GPRC5A: variants seen among roughly 807,000 people sequenced by gnomAD.
GPRC5A encodes the protein retinoic acid-induced protein 3.
GPRC5A carries 19 observed loss-of-function variants against 22.5 expected under a neutral mutation model. The observed-to-expected ratio is 0.85, with a 90% confidence interval of 0.59 to 1.24. The LOEUF (loss-of-function observed/expected upper bound fraction) is 1.24. Ranked by LOEUF, GPRC5A falls within the 50% of genes most tolerant of loss-of-function variation. GPRC5A has a pLI of 0.00. For missense variants in GPRC5A, 471 were observed against 451.1 expected, an observed-to-expected ratio of 1.04 and a Z score of -0.40; for synonymous variants, 192 against 184.5, an observed-to-expected ratio of 1.04 and a Z score of -0.33.
intron 1 of GPRC5A, among the ~76,000 whole-genome samples, chr12:12,899,412 G>A (rs1456671374): frequency 2.0e-5 from 3 of 152,100 alleles, no homozygotes; most frequent in East Asian, 3.8e-4. Context: ...AGAGAGGTTG[G>A]GGTCAGGGAG....
At chr12:12,902,699 A>T (rs1044492213) in intron 1 of GPRC5A, among the ~76,000 whole-genome samples, 3 of 152,084 alleles carry the variant, frequency 2.0e-5, no homozygotes. Flanking sequence ...TGAGCCCAGG[A>T]AGTCAAGGCT....
At chr12:12,905,990 GGGAGAGAGAGAAAGAGACGTAGAGAGGA>G (rs1413588178) in intron 1 of GPRC5A, among the ~76,000 whole-genome samples, 1 of 152,106 alleles carries the variant, frequency 6.6e-6, no homozygotes, top group African/African-American at 2.4e-5. Flanking sequence ...GGGAGGGGTA[GGGAGAGAGAGAAAGAGACGTAGAGAGGA>G]GGAGAGAGAG....
In GPRC5A at chr12:12,915,973, C is replaced by G. The variant is rs1410051124; in HGVS notation, c.*3434C>G. On this transcript the variant is annotated 3_prime_UTR_variant, in exon 4 of 4. Transcript: ENST00000014914. The stretch of plus-strand genomic sequence containing the variant: ...CCCACTGCTGCGGCTGTTAACTCAT[C>G]TTCAGGTCTCACACCTTCTGCACAT... 2 of 449,344 alleles carry G rather than the reference C, an allele frequency of 4.5e-6. No individual in the cohort carries two copies. The highest frequency in any genetic ancestry group is 9.4e-6 in the Non-Finnish European group (2 of 213,734). 27.8% of individuals were successfully genotyped at this position (449,344 alleles called of 1,614,324 possible).
At chr12:12,899,267 G>A (rs1253018481) in intron 1 of GPRC5A, among the ~76,000 whole-genome samples, 1 of 152,132 alleles carries the variant, frequency 6.6e-6, no homozygotes, top group Admixed American at 6.6e-5. Context: ...AAACTCCTGG[G>A]CTCGAGTGGT....
At chr12:12,901,323 G>A (rs1012404364) in intron 1 of GPRC5A, among the ~76,000 whole-genome samples, 1 of 152,130 alleles carries the variant, frequency 6.6e-6, no homozygotes, top group Non-Finnish European at 1.5e-5. Flanking sequence ...TAGGAGCGGG[G>A]TTCAGACATG....
chr12:12,897,940 T>C (rs1400022642), intron 1 of GPRC5A, among the ~76,000 whole-genome samples: 2 of 152,032 alleles, frequency 1.3e-5, no homozygotes, highest in African/African-American at 4.8e-5. Flanking sequence ...CTTTGCGGAC[T>C]CCTACCTAGA....
intron 1 of GPRC5A, among the ~76,000 whole-genome samples, chr12:12,897,887 G>A (rs1047708059): frequency 9.2e-5 from 14 of 152,082 alleles, no homozygotes; most frequent in African/African-American, 3.4e-4. Context: ...TGGGCTCACA[G>A]GTGTGAGCCA....
chr12:12,912,821 C>T lies in GPRC5A; in HGVS notation c.*282C>T. The T allele has an allele frequency of 2.6e-6, 1 of 379,748 alleles. No homozygotes were observed. Among genetic ancestry groups the T allele is most frequent in the Non-Finnish European group, 4.7e-6 (1 of 213,506 alleles). The allele number at this position is 379,748 out of a possible 1,614,324, so 23.5% of individuals were successfully genotyped here. ...CAGGCAACTCAAGTTTAGACCCTTA[C>T]TCTTTTTGTTTGTTTTTTGAAACAG... On this transcript the variant is annotated 3_prime_UTR_variant, in exon 4 of 4. Coordinates refer to ENST00000014914, the MANE Select transcript of GPRC5A (RefSeq NM_003979.4).
chr12:12,916,859 G>C lies in GPRC5A; in HGVS notation c.*4320G>C, dbSNP rs941901696. On this transcript the variant is annotated 3_prime_UTR_variant, in exon 4 of 4. Transcript: ENST00000014914. Reference sequence around the variant, plus strand: ...CCCATTTCCCCCGTGCACTCATTCTGAGCTTCCTTCCTTCATTTCTGTCAT... The same window carrying C: ...CCCATTTCCCCCGTGCACTCATTCTCAGCTTCCTTCCTTCATTTCTGTCAT... 1.3e-5 allele frequency: 2 copies of C among 152,304 alleles called. No individual in the cohort carries two copies. Among genetic ancestry groups the C allele is most frequent in the South Asian group, 2.1e-4 (1 of 4,828 alleles). 9.4% of individuals were successfully genotyped at this position (152,304 alleles called of 1,614,324 possible).
Position 12,917,807 on chromosome 12 carries a change from A to G in GPRC5A, c.*5268A>G, listed in dbSNP as rs1334845593. ...TCATTTTCCCCATCCCCATGAGACA[A>G]GACTGATGGAAAGGGTGGTGGGGCA... is the stretch of plus-strand genomic sequence containing the variant. On this transcript the variant is annotated 3_prime_UTR_variant, in exon 4 of 4. Coordinates refer to ENST00000014914, the MANE Select transcript of GPRC5A (RefSeq NM_003979.4). 1 of 152,252 alleles carries G rather than the reference A, an allele frequency of 6.6e-6. No homozygotes were observed. Among genetic ancestry groups the G allele is most frequent in the Non-Finnish European group, 1.5e-5 (1 of 68,060 alleles). The allele number at this position is 152,252 out of a possible 1,614,324, so 9.4% of individuals were successfully genotyped here. A position where few individuals can be genotyped will look rare whatever the true frequency, so the allele number is the denominator to read the frequency against.
rs1351474210 is a variant in GPRC5A, at chr12:12,908,639, C to T, written c.390C>T (p.Ser130=). Residue 130 remains serine, a synonymous_variant, in exon 2 of 4, where the codon TCC becomes TCT. Transcript: ENST00000014914. ...TKLVRGRKPL[S]LLVILGLAVG... is the part of the protein sequence containing the mutation. ...TCGTCCGGGGGAGGAAGCCCCTTTCCCTGTTGGTGATTCTGGGTCTGGCCG... is the reference window on the plus strand; with the variant it reads ...TCGTCCGGGGGAGGAAGCCCCTTTCTCTGTTGGTGATTCTGGGTCTGGCCG... 5 of 1,613,802 alleles carry T rather than the reference C, an allele frequency of 3.1e-6. No individual in the cohort carries two copies. In the East Asian group the frequency reaches 1.1e-4, roughly 36 times the overall value.
rs879783764 is a variant in GPRC5A, at chr12:12,914,594, T to TCTCTCTC, written c.*2055_*2056insCTCTCTC. ...TTTCTTTCTTTCTTTCTTTCTTTCT[T>TCTCTCTC]TCTCTCTCTCTCTCTCTCTCTCTTT... On this transcript the variant is annotated 3_prime_UTR_variant, in exon 4 of 4. Coordinates refer to ENST00000014914, the MANE Select transcript of GPRC5A (RefSeq NM_003979.4). 1.2e-5 allele frequency: 1 copy of TCTCTCTC among 81,542 alleles called. No individual in the cohort carries two copies. Among genetic ancestry groups the TCTCTCTC allele is most frequent in the African/African-American group, 6.4e-5 (1 of 15,530 alleles). 5.1% of individuals were successfully genotyped at this position (81,542 alleles called of 1,614,324 possible). A position where few individuals can be genotyped will look rare whatever the true frequency, so the allele number is the denominator to read the frequency against.
rs1274836339 is a variant in GPRC5A, at chr12:12,915,420, G to T, written c.*2881G>T. On this transcript the variant is annotated 3_prime_UTR_variant, in exon 4 of 4. Coordinates refer to ENST00000014914, the MANE Select transcript of GPRC5A (RefSeq NM_003979.4). ...GGGTCTTGCTCTGTTGCCCAGGCTG[G>T]TCTTGAACTCGAGATTCTCCTGCTT... 1 of 152,566 alleles carries T rather than the reference G, an allele frequency of 6.6e-6. No individual in the cohort carries two copies. The highest frequency in any genetic ancestry group is 2.4e-5 in the African/African-American group (1 of 41,410). 9.5% of individuals were successfully genotyped at this position (152,566 alleles called of 1,614,324 possible). A position where few individuals can be genotyped will look rare whatever the true frequency, so the allele number is the denominator to read the frequency against.
intron 1 of GPRC5A, among the ~76,000 whole-genome samples, chr12:12,894,848 G>A (rs1247229090): frequency 7.0e-5 from 9 of 128,108 alleles, no homozygotes; most frequent in East Asian, 5.2e-4. Context: ...GTGCGATCAC[G>A]GCTCACTGCA....
chr12:12,912,325 G>A (rs537026054), intron 3 of GPRC5A, 122 bp from the exon 4 acceptor site: 1 of 845,860 alleles, frequency 1.2e-6, no homozygotes, highest in East Asian at 2.4e-5. Context: ...TTGGCATAGA[G>A]AGGACTTGGG....
intron 1 of GPRC5A, among the ~76,000 whole-genome samples, chr12:12,900,176 C>T (rs1197566004): frequency 1.3e-5 from 2 of 152,206 alleles, no homozygotes; most frequent in African/African-American, 2.4e-5. Context: ...CTTGCTGTGT[C>T]TCTTCTTCAG....
chr12:12,906,537 T>C (rs1863943530), intron 1 of GPRC5A, among the ~76,000 whole-genome samples: 1 of 151,908 alleles, frequency 6.6e-6, no homozygotes. Context: ...CCAGCCTGGG[T>C]GACAGAGCGA....
intron 1 of GPRC5A, 175 bp downstream of exon 1, chr12:12,891,839 ATT>A (rs11290504): frequency 0.15 from 21,839 of 145,248 alleles, 1,650 homozygotes; most frequent in South Asian, 0.22. Flanking sequence ...AACAACTCAG[ATT>A]TTTTTTTTTT....
chr12:12,898,974 T>G (rs1863852352), intron 1 of GPRC5A, among the ~76,000 whole-genome samples: 1 of 152,228 alleles, frequency 6.6e-6, no homozygotes, highest in South Asian at 2.1e-4. Context: ...CTTAGTTGTA[T>G]GTCAGTGTGA....
Sources: allele counts gnomAD v4.1 joint callset (sites outside exome capture counted in the v4.1 genomes callset), GRCh38; gene constraint gnomAD v4.1.1; transcripts MANE v1.5; gene names NCBI Gene and HGNC (gene_info 2026-07-23, HGNC 2026-07-21).